The following SDHAF4 variants were observed in gnomAD, a reference collection of about 807,000 sequenced individuals.
The protein encoded by SDHAF4 is succinate dehydrogenase complex assembly factor 4.
A neutral mutation model predicts 14.3 loss-of-function variants in SDHAF4; 14 were observed. That is an observed-to-expected ratio of 0.98 (90% confidence interval 0.65 to 1.53). The LOEUF (loss-of-function observed/expected upper bound fraction) is 1.53, where lower values mean the gene tolerates loss of function less well. SDHAF4 is among the 40% of genes most tolerant of loss of function. The pLI, the probability that SDHAF4 is intolerant of heterozygous loss-of-function variation, is 0.00. For synonymous variants in SDHAF4, 63 were observed against 47.3 expected (o/e 1.33, Z -1.36); for missense variants, 141 against 129.3 (o/e 1.09, Z -0.44).
intron 2 of SDHAF4, among the ~76,000 whole-genome samples, chr6:70,581,583 G>A (rs574373744): frequency 6.6e-6 from 1 of 152,170 alleles, no homozygotes; most frequent in African/African-American, 2.4e-5. Flanking sequence ...ATTTTTGTGT[G>A]TGTATGTATG....
intron 2 of SDHAF4, among the ~76,000 whole-genome samples, chr6:70,587,480 C>A (rs1765215349): frequency 6.6e-6 from 1 of 152,186 alleles, no homozygotes; most frequent in Admixed American, 6.5e-5. Context: ...GGCAACAGAG[C>A]TAGGCTCCAT....
At position 70,568,962 on chromosome 6, in the gene SDHAF4, CTTTTTTTTTTT is replaced by C. The variant is rs5877254; in HGVS notation, c.64+1969_64+1979del. On this transcript the variant is annotated intron_variant, in intron 1 of 2. Transcript: ENST00000370474. ...TTTGTGAAATACCTCTTTCTTTTTTCTTTTTTTTTTTTTTTTTTTTTGAGGCGGAGTTTCGC... is the reference window on the plus strand; with the variant it reads ...TTTGTGAAATACCTCTTTCTTTTTTCTTTTTTTTTTGAGGCGGAGTTTCGC... Among the ~76,000 whole-genome samples, 3 of 98,000 alleles carry C rather than the reference CTTTTTTTTTTT, an allele frequency of 3.1e-5. No individual in the cohort carries two copies. In the Admixed American group the frequency reaches 4.1e-4, roughly 13 times the overall value. 64.3% of individuals were successfully genotyped at this position (98,000 alleles called of 152,430 possible).
chr6:70,572,895 A>G (rs1431909200), intron 1 of SDHAF4, among the ~76,000 whole-genome samples: 1 of 152,188 alleles, frequency 6.6e-6, no homozygotes, highest in Non-Finnish European at 1.5e-5. Flanking sequence ...TTTGATTTTG[A>G]TAAACATAAA....
chr6:70,588,842 A>AACATATATATAT lies in SDHAF4; in HGVS notation c.*119_*120insCATATATATATA. ...TCGTGTAGTTTGTATAATGTGTTTA[A>AACATATATATAT]ATATATATATATATGATGGCTTTGG... is the stretch of plus-strand genomic sequence containing the variant. On this transcript the variant is annotated 3_prime_UTR_variant, in exon 3 of 3. Transcript: ENST00000370474. The AACATATATATAT allele has an allele frequency of 2.9e-6, 1 of 339,216 alleles. No homozygotes were observed. The highest frequency in any genetic ancestry group is 5.5e-6 in the Non-Finnish European group (1 of 181,986). The allele number at this position is 339,216 out of a possible 1,614,324, so 21.0% of individuals were successfully genotyped here.
chr6:70,586,050 G>A (rs1765193220), intron 2 of SDHAF4, among the ~76,000 whole-genome samples: 1 of 152,154 alleles, frequency 6.6e-6, no homozygotes, highest in South Asian at 2.1e-4. Flanking sequence ...CAGAGTCCAA[G>A]CAATGTGCTT....
At chr6:70,578,122 T>A (rs1802278565) in intron 1 of SDHAF4, among the ~76,000 whole-genome samples, 1 of 152,226 alleles carries the variant, frequency 6.6e-6, no homozygotes, top group Admixed American at 6.5e-5. Context: ...ATGATAGTTC[T>A]GTTTTAAGTA....
chr6:70,584,312 G>GC lies in SDHAF4; in HGVS notation c.218-4302dup, dbSNP rs555170454. Among the ~76,000 whole-genome samples, 1,003 of 152,282 alleles carry GC rather than the reference G, an allele frequency of 6.6e-3. 10 individuals carry two copies. The highest frequency in any genetic ancestry group is 0.011 in the Non-Finnish European group (723 of 68,024). ...TTACAGGCATGAGCCACCACGCCTG[G>GC]CTAGTGAGTTTTAACAAATGTTTAC... On this transcript the variant is annotated intron_variant, in intron 2 of 2. Coordinates refer to ENST00000370474, the MANE Select transcript of SDHAF4 (RefSeq NM_145267.3).
chr6:70,590,066 C>T (rs1230817092), downstream of SDHAF4, among the ~76,000 whole-genome samples: 6 of 152,112 alleles, frequency 3.9e-5, no homozygotes, highest in African/African-American at 9.6e-5. Flanking sequence ...GGCAAAACCC[C>T]GTCTCTACTA....
the SDHAF4 span, among the ~76,000 whole-genome samples, chr6:70,595,705 G>T: frequency 6.6e-6 from 1 of 151,826 alleles, no homozygotes; most frequent in Non-Finnish European, 1.5e-5. Context: ...GCGCGGTGGC[G>T]CACGCCCGTA....
chr6:70,590,237 CAAAAAA>C (rs56245449), downstream of SDHAF4, among the ~76,000 whole-genome samples: 4 of 149,714 alleles, frequency 2.7e-5, no homozygotes, highest in Non-Finnish European at 3.0e-5. Context: ...GACCCTGTCT[CAAAAAA>C]AAAAATAAAA....
chr6:70,587,461 C>T (rs1765215121), intron 2 of SDHAF4, among the ~76,000 whole-genome samples: 2 of 152,198 alleles, frequency 1.3e-5, no homozygotes, highest in Non-Finnish European at 2.9e-5. Flanking sequence ...CACTCCACTA[C>T]TCCAGCAGGG....
chr6:70,596,541 A>T, the SDHAF4 span: 1 of 152,246 alleles, frequency 6.6e-6, no homozygotes, highest in Non-Finnish European at 1.5e-5. Flanking sequence ...GAGAACCTAG[A>T]TTAACATGGA....
intron 1 of SDHAF4, among the ~76,000 whole-genome samples, chr6:70,568,967 T>C (rs796878011): frequency 8.5e-5 from 11 of 129,000 alleles, no homozygotes; most frequent in Middle Eastern, 3.7e-3. Flanking sequence ...TTTTTCTTTT[T>C]TTTTTTTTTT....
intron 1 of SDHAF4, among the ~76,000 whole-genome samples, chr6:70,569,035 G>T (rs1802144170): frequency 8.0e-6 from 1 of 125,054 alleles, no homozygotes; most frequent in South Asian, 2.5e-4. Flanking sequence ...GCGCGATCTC[G>T]ACTCACTGCA....
chr6:70,584,556 A>G (rs1765175931), intron 2 of SDHAF4, among the ~76,000 whole-genome samples: 1 of 152,200 alleles, frequency 6.6e-6, no homozygotes, highest in Non-Finnish European at 1.5e-5. Context: ...ATTCTGTTGT[A>G]TTAGTTCTAA....
intron 1 of SDHAF4, among the ~76,000 whole-genome samples, chr6:70,576,286 C>G (rs908026652): frequency 2.0e-5 from 3 of 152,218 alleles, no homozygotes; most frequent in African/African-American, 4.8e-5. Context: ...AAAAATAGTT[C>G]TGTTTATGTT....
intron 1 of SDHAF4, among the ~76,000 whole-genome samples, chr6:70,578,454 A>G (rs1802283520): frequency 6.6e-6 from 1 of 152,156 alleles, no homozygotes. Flanking sequence ...TAAGTTCCTT[A>G]TAGATTCTGG....
intron 2 of SDHAF4, among the ~76,000 whole-genome samples, chr6:70,581,967 A>T (rs1765137084): frequency 6.6e-6 from 1 of 151,790 alleles, no homozygotes; most frequent in Non-Finnish European, 1.5e-5. Context: ...CTCCTTTTTG[A>T]GCTCCTCTGC....
At chr6:70,593,684 G>A (rs938348336), downstream of SDHAF4, among the ~76,000 whole-genome samples, 37 of 123,218 alleles carry the variant, frequency 3.0e-4, no homozygotes, top group Middle Eastern at 8.8e-3. Flanking sequence ...AGCTTCAAGG[G>A]TTTTTTTTTG....
Sources: allele counts gnomAD v4.1 joint callset (sites outside exome capture counted in the v4.1 genomes callset), GRCh38; gene constraint gnomAD v4.1.1; transcripts MANE v1.5; gene names NCBI Gene and HGNC (gene_info 2026-07-23, HGNC 2026-07-21).